CDC73: variants seen among roughly 807,000 people sequenced by gnomAD.
CDC73 encodes cell division cycle 73.
Under a neutral mutation model 83.7 loss-of-function variants are expected in CDC73, and 21 were observed. That is an observed-to-expected ratio of 0.25 (90% CI 0.18 to 0.36). The LOEUF (loss-of-function observed/expected upper bound fraction) is 0.36. Ranked by LOEUF, CDC73 falls within the 10% of genes least tolerant of loss-of-function variation. CDC73 has a pLI of 1.00. For synonymous variants in CDC73, 224 were observed against 212.9 expected (o/e 1.05, Z -0.45); for missense variants, 342 against 653.3 (o/e 0.52, Z 5.19).
rs1678100728 is a variant in CDC73 at position 193,254,559 on chromosome 1, T to G, written c.*3847T>G. Among the ~76,000 whole-genome samples, 1 of 152,154 alleles carries G rather than the reference T, an allele frequency of 6.6e-6. No individual in the cohort carries two copies. Among genetic ancestry groups the G allele is most frequent in the Non-Finnish European group, 1.5e-5 (1 of 67,988 alleles). On this transcript the variant is annotated 3_prime_UTR_variant, in exon 17 of 17. Coordinates refer to ENST00000367435, the MANE Select transcript of CDC73 (RefSeq NM_024529.5). ...GCAAGTATGTTGATCCCAGCATTGT[T>G]TATATCTGTTGGAATAATAACTAAG...
At chr1:193,182,248 G>A (rs1676729520) in intron 10 of CDC73, among the ~76,000 whole-genome samples, 1 of 152,068 alleles carries the variant, frequency 6.6e-6, no homozygotes, top group Non-Finnish European at 1.5e-5. Flanking sequence ...ATGAGAAGAT[G>A]CACCTGTCAA....
chr1:193,163,435 A>T (rs1676377173), intron 10 of CDC73, among the ~76,000 whole-genome samples: 1 of 152,082 alleles, frequency 6.6e-6, no homozygotes, highest in Admixed American at 6.5e-5. Context: ...TAAGCCCAGG[A>T]GGTCAAGGCT....
Position 193,233,365 on chromosome 1 carries a change from A to G in CDC73, c.1316+211A>G, listed in dbSNP as rs186942454. Among the ~76,000 whole-genome samples, 16 of 152,064 alleles carry G rather than the reference A, an allele frequency of 1.1e-4. No homozygotes were observed. In the East Asian group the frequency reaches 1.3e-3, roughly 13 times the overall value. ...TGCATGCCACTGCACCTGGCAGCCT[A>G]TATTTTTTAAATATTCGTTTGTTTT... On this transcript the variant is annotated intron_variant, in intron 14 of 16. Transcript: ENST00000367435.
intron 10 of CDC73, among the ~76,000 whole-genome samples, chr1:193,176,145 A>G (rs761339544): frequency 1.6e-4 from 24 of 152,346 alleles, no homozygotes; most frequent in Non-Finnish European, 2.9e-4. Context: ...TTCTAGGCTC[A>G]GACAACATTT....
intron 7 of CDC73, among the ~76,000 whole-genome samples, chr1:193,145,163 T>G (rs981555995): frequency 6.6e-6 from 1 of 152,228 alleles, no homozygotes; most frequent in Non-Finnish European, 1.5e-5. Context: ...TCACAAATCA[T>G]GCATGGGTAG....
rs776638072 is a variant in CDC73, at chr1:193,130,125, G to A, written c.238-49G>A. 1.1e-5 allele frequency: 9 copies of A among 828,484 alleles called. No individual in the cohort carries two copies. The East Asian group carries it at 2.2e-4, about 20-fold the overall frequency. The allele number at this position is 828,484 out of a possible 1,614,324, so 51.3% of individuals were successfully genotyped here. On this transcript the variant is annotated intron_variant, in intron 2 of 16. Coordinates refer to ENST00000367435, the MANE Select transcript of CDC73 (RefSeq NM_024529.5). ...ATTACATGTTAATATTTATTAAGTT[G>A]TGTATCATTGTTATTCATTTCATAT...
At chr1:193,164,666 C>G (rs1488646931) in intron 10 of CDC73, among the ~76,000 whole-genome samples, 1 of 152,026 alleles carries the variant, frequency 6.6e-6, no homozygotes, top group Non-Finnish European at 1.5e-5. Flanking sequence ...GGACTTGTTG[C>G]AAGTCCAGGG....
Position 193,142,654 on chromosome 1 carries a change from C to T in CDC73, c.729+588C>T, listed in dbSNP as rs773792790. Among the ~76,000 whole-genome samples the T allele has an allele frequency of 7.2e-5, 11 of 151,818 alleles. No homozygotes were observed. The South Asian group carries it at 8.3e-4, about 11-fold the overall frequency. On this transcript the variant is annotated intron_variant, in intron 7 of 16. Transcript: ENST00000367435. ...CTCCTCCTTTCTCTCTTTCTCCTCC[C>T]GTTTCCCTCTCTTCCTCCTTCCCTC...
intron 15 of CDC73, among the ~76,000 whole-genome samples, chr1:193,239,556 ATATGT>A (rs1321509170): frequency 6.6e-6 from 1 of 152,170 alleles, no homozygotes; most frequent in East Asian, 1.9e-4. Context: ...TATATTTTAG[ATATGT>A]TATACTTGAC....
intron 9 of CDC73, among the ~76,000 whole-genome samples, chr1:193,151,202 A>C (rs191110511): frequency 6.6e-5 from 10 of 152,356 alleles, no homozygotes; most frequent in Non-Finnish European, 1.5e-5. Context: ...GAAGTTAATG[A>C]TATTTTTAAG....
At position 193,253,258 on chromosome 1, in the gene CDC73, G is replaced by T. The variant is rs1284126813; in HGVS notation, c.*2546G>T. On this transcript the variant is annotated 3_prime_UTR_variant, in exon 17 of 17. Coordinates refer to ENST00000367435, the MANE Select transcript of CDC73 (RefSeq NM_024529.5). ...TTTCATGTAATTTGAGACAAGACCT[G>T]GTCATCAGTATTTTTTTTAAAGTTC... is the stretch of plus-strand genomic sequence containing the variant. 1.3e-5 allele frequency: 3 copies of T among 232,384 alleles called. No homozygotes were observed. Among genetic ancestry groups the T allele is most frequent in the South Asian group, 3.6e-4 (2 of 5,518 alleles). The allele number at this position is 232,384 out of a possible 1,614,324, so 14.4% of individuals were successfully genotyped here.
intron 3 of CDC73, among the ~76,000 whole-genome samples, chr1:193,132,297 G>A (rs918929180): frequency 2.6e-4 from 40 of 152,078 alleles, no homozygotes; most frequent in African/African-American, 8.7e-4. Flanking sequence ...GACTTATTAC[G>A]TGCTTATTCT....
intron 5 of CDC73, among the ~76,000 whole-genome samples, chr1:193,135,881 T>C (rs1675788134): frequency 6.6e-6 from 1 of 150,912 alleles, no homozygotes; most frequent in Admixed American, 6.6e-5. Context: ...TTTTTTTTTT[T>C]TTTTTGAGGC....
intron 5 of CDC73, among the ~76,000 whole-genome samples, chr1:193,137,491 A>G (rs1490650678): frequency 4.6e-5 from 7 of 152,352 alleles, no homozygotes; most frequent in Non-Finnish European, 8.8e-5. Context: ...TTTTCAGACT[A>G]AATTTTACTT....
chr1:193,143,665 T>C (rs958820464), intron 7 of CDC73, among the ~76,000 whole-genome samples: 4 of 152,220 alleles, frequency 2.6e-5, no homozygotes, highest in African/African-American at 9.6e-5. Context: ...ATTGTTTTTA[T>C]CTGGTAAACT....
chr1:193,212,447 T>C lies in CDC73; in HGVS notation c.1124T>C (p.Leu375Pro). 1 of 1,607,742 alleles carries C rather than the reference T, an allele frequency of 6.2e-7. No individual in the cohort carries two copies. Among genetic ancestry groups the C allele is most frequent in the Non-Finnish European group, 8.5e-7 (1 of 1,175,502 alleles). Residue 375 changes from leucine to proline, a missense_variant, in exon 13 of 17, where the codon CTT (leucine) becomes CCT (proline). Coordinates refer to ENST00000367435, the MANE Select transcript of CDC73 (RefSeq NM_024529.5). ...GCTACCACCTCTTTAATAACCATGC[T>C]TAATGCAAAAGACCTTCTACAGGAC... ...PAATTSLITM[L>P]NAKDLLQDLK...
At chr1:193,143,426 CCTAA>C (rs1675940869) in intron 7 of CDC73, among the ~76,000 whole-genome samples, 1 of 152,066 alleles carries the variant, frequency 6.6e-6, no homozygotes, top group Non-Finnish European at 1.5e-5. Context: ...ATATACCCTA[CCTAA>C]CTTTTAGACC....
At chr1:193,173,523 C>T (rs1422188540) in intron 10 of CDC73, among the ~76,000 whole-genome samples, 1 of 152,174 alleles carries the variant, frequency 6.6e-6, no homozygotes, top group East Asian at 1.9e-4. Context: ...AATCCTAACA[C>T]ACAGTTCATT....
At chr1:193,150,754 A>G (rs1275542638) in intron 9 of CDC73, among the ~76,000 whole-genome samples, 1 of 152,196 alleles carries the variant, frequency 6.6e-6, no homozygotes, top group East Asian at 1.9e-4. Context: ...TTTTAATGTT[A>G]CTTTAACTGC....
Sources: gnomAD v4.1 joint callset for allele counts (sites outside exome capture counted in the v4.1 genomes callset) on GRCh38, gnomAD v4.1.1 for gene constraint, MANE v1.5 for transcripts, NCBI Gene and HGNC (gene_info 2026-07-23, HGNC 2026-07-21) for gene names.